The following GLDC variants were observed in gnomAD, a reference collection of about 807,000 sequenced individuals.
GLDC encodes glycine decarboxylase.
In GLDC, 104 loss-of-function variants were observed where a neutral mutation model predicts 121.3. That is an observed-to-expected ratio of 0.86 (90% CI 0.73 to 1.01). GLDC has a LOEUF of 1.01. Ranked by LOEUF, GLDC falls within the 50% of genes least tolerant of loss-of-function variation. The pLI, the probability that GLDC is intolerant of heterozygous loss-of-function variation, is 0.00. For synonymous variants in GLDC, 546 were observed against 480.6 expected (o/e 1.14, Z -1.78); for missense variants, 1,429 against 1,306.6 (o/e 1.09, Z -1.44).
At chr9:6,631,383 C>T (rs1009495789) in intron 2 of GLDC, among the ~76,000 whole-genome samples, 2 of 152,154 alleles carry the variant, frequency 1.3e-5, no homozygotes, top group Admixed American at 6.5e-5. Context: ...GCTTCAAGAC[C>T]CTACCAGCTG....
chr9:6,582,057 A>C (rs1234416356), intron 15 of GLDC, among the ~76,000 whole-genome samples: 1 of 151,318 alleles, frequency 6.6e-6, no homozygotes, highest in East Asian at 1.9e-4. Context: ...TCCACTAAAA[A>C]TACAAAAACT....
chr9:6,630,674 G>A (rs749237838), intron 2 of GLDC, among the ~76,000 whole-genome samples: 3 of 152,184 alleles, frequency 2.0e-5, no homozygotes. Flanking sequence ...CTAATCCTCA[G>A]CTGTGAAGCT....
At chr9:6,602,050 AGT>A in intron 8 of GLDC, 57 bp downstream of exon 8, 1 of 989,200 alleles carries the variant, frequency 1.0e-6, no homozygotes. Flanking sequence ...TGAATGAATG[AGT>A]AGCTCATTTC....
intron 15 of GLDC, among the ~76,000 whole-genome samples, chr9:6,580,868 C>T (rs941737879): frequency 4.6e-5 from 7 of 152,228 alleles, no homozygotes; most frequent in African/African-American, 1.7e-4. Context: ...TTATATAATA[C>T]TTATTATCCA....
chr9:6,593,969 A>G (rs1040421879), intron 9 of GLDC, among the ~76,000 whole-genome samples: 7 of 152,106 alleles, frequency 4.6e-5, no homozygotes, highest in African/African-American at 1.7e-4. Flanking sequence ...CTAGGATTAC[A>G]GGCATGAGCC....
At position 6,604,572 on chromosome 9, in the gene GLDC, A is replaced by G; in HGVS notation, c.1058+16T>C. 15 of 1,599,288 alleles carry G rather than the reference A, an allele frequency of 9.4e-6. No homozygotes were observed. The highest frequency in any genetic ancestry group is 1.3e-5 in the Non-Finnish European group (15 of 1,168,206). On this transcript the variant is annotated intron_variant, in intron 7 of 24. Coordinates refer to ENST00000321612, the MANE Select transcript of GLDC (RefSeq NM_000170.3). Reference sequence around the variant, plus strand: ...TCATAATCACAATAAAAGTAGAGAAACATGAGCCCCTTTACCTTGTTACCC... The same window carrying G: ...TCATAATCACAATAAAAGTAGAGAAGCATGAGCCCCTTTACCTTGTTACCC...
chr9:6,578,088 A>C (rs1017645206), intron 15 of GLDC, among the ~76,000 whole-genome samples: 3 of 151,064 alleles, frequency 2.0e-5, no homozygotes, highest in East Asian at 1.9e-4. Context: ...CTACTTTTTT[A>C]ATTTTTTGTA....
At chr9:6,558,489 A>T (rs1817680877) in intron 17 of GLDC, 70 bp downstream of exon 17, 1 of 1,546,894 alleles carries the variant, frequency 6.5e-7, no homozygotes, top group East Asian at 2.2e-5. Context: ...TACATAATCC[A>T]TCAAGTCCCT....
intron 4 of GLDC, 128 bp from the exon 5 acceptor site, chr9:6,606,797 G>C (rs1818743630): frequency 1.4e-6 from 1 of 726,938 alleles, no homozygotes; most frequent in Admixed American, 1.9e-5. Context: ...AGTAGGCCGG[G>C]TGCGGTGGCT....
intron 19 of GLDC, 67 bp downstream of exon 19, chr9:6,554,602 G>T: frequency 9.5e-7 from 1 of 1,056,286 alleles, no homozygotes; most frequent in Non-Finnish European, 1.4e-6. Flanking sequence ...GGGATGAGTA[G>T]TCTATTTAGG....
intron 5 of GLDC, chr9:6,606,156 A>T: frequency 5.0e-6 from 1 of 199,772 alleles, no homozygotes. Flanking sequence ...AAATAGAAAA[A>T]AAATTAGCCA....
chr9:6,600,377 GA>G (rs1262739023), intron 8 of GLDC, among the ~76,000 whole-genome samples: 3,611 of 111,040 alleles, frequency 0.033, 124 homozygotes, highest in African/African-American at 0.1. Flanking sequence ...TCTGTCTCAA[GA>G]AAAAAAAAAA....
intron 3 of GLDC, among the ~76,000 whole-genome samples, chr9:6,618,605 C>A (rs1322619061): frequency 6.6e-6 from 1 of 152,166 alleles, no homozygotes; most frequent in Non-Finnish European, 1.5e-5. Context: ...CCATGCCTGG[C>A]CTTTTTGGTT....
At chr9:6,633,280 C>T (rs1819429365) in intron 2 of GLDC, among the ~76,000 whole-genome samples, 1 of 152,150 alleles carries the variant, frequency 6.6e-6, no homozygotes, top group African/African-American at 2.4e-5. Flanking sequence ...TCTCCTTCTG[C>T]ATGTTTTATT....
chr9:6,644,741 T>A, intron 1 of GLDC, 49 bp from the exon 2 acceptor site: 1 of 1,278,562 alleles, frequency 7.8e-7, no homozygotes, highest in Non-Finnish European at 1.1e-6. Flanking sequence ...GTTAAAAGAG[T>A]CACCTCTGTG....
At chr9:6,551,870 G>A (rs1184124858) in intron 20 of GLDC, among the ~76,000 whole-genome samples, 2 of 152,162 alleles carry the variant, frequency 1.3e-5, no homozygotes, top group African/African-American at 4.8e-5. Context: ...GAAGGACTTC[G>A]ACTTTGTCCA....
chr9:6,607,077 T>A (rs1415435403), intron 4 of GLDC, among the ~76,000 whole-genome samples: 1 of 151,400 alleles, frequency 6.6e-6, no homozygotes, highest in Non-Finnish European at 1.5e-5. Context: ...AAAAAAAAAA[T>A]TTAAAAAAAA....
rs1819729824 is a variant in GLDC, at chr9:6,645,506, G to A, written c.-7C>T. 3 of 1,320,176 alleles carry A rather than the reference G, an allele frequency of 2.3e-6. No individual in the cohort carries two copies. Among genetic ancestry groups the A allele is most frequent in the East Asian group, 7.0e-5 (2 of 28,644 alleles). The allele number at this position is 1,320,176 out of a possible 1,614,324, so 81.8% of individuals were successfully genotyped here. On this transcript the variant is annotated 5_prime_UTR_variant, in exon 1 of 25. Transcript: ENST00000321612. ...CCCTGGCACAGGACTGCATGGCCGC[G>A]GCCACCGTCCCCTGCCCCGGCCCGC...
At chr9:6,593,459 T>C (rs899286814) in intron 9 of GLDC, among the ~76,000 whole-genome samples, 1 of 151,512 alleles carries the variant, frequency 6.6e-6, no homozygotes, top group African/African-American at 2.4e-5. Context: ...CCATCACACC[T>C]GGCTAATAAT....
Sources: gnomAD v4.1 joint callset for allele counts (sites outside exome capture counted in the v4.1 genomes callset) on GRCh38, gnomAD v4.1.1 for gene constraint, MANE v1.5 for transcripts, NCBI Gene and HGNC (gene_info 2026-07-23, HGNC 2026-07-21) for gene names.